The following CCDC102B variants were observed in gnomAD, a reference collection of about 807,000 sequenced individuals.
CCDC102B encodes the protein coiled-coil domain-containing protein 102B.
Under a neutral mutation model 57.4 loss-of-function variants are expected in CCDC102B, and 75 were observed. That is an observed-to-expected ratio of 1.31 (90% CI 1.08 to 1.58). The LOEUF is 1.58. CCDC102B is among the 40% of genes most tolerant of loss of function. The pLI is 0.00. For synonymous variants in CCDC102B, 206 were observed against 201.9 expected, an observed-to-expected ratio of 1.02 and a Z score of -0.17; for missense variants, 636 against 582.6, an observed-to-expected ratio of 1.09 and a Z score of -0.94.
intron 4 of CCDC102B, chr18:68,866,968 A>G (rs1444368820): frequency 9.7e-6 from 4 of 413,876 alleles, no homozygotes; most frequent in South Asian, 2.4e-5. Context: ...AGCTACATCA[A>G]TCTAGAGTGG....
chr18:69,049,642 T>TA (rs1255922863), intron 7 of CCDC102B, among the ~76,000 whole-genome samples: 6 of 152,088 alleles, frequency 3.9e-5, no homozygotes, highest in African/African-American at 1.4e-4. Context: ...CCTGGCCACT[T>TA]AGCAAATAAA....
intron 4 of CCDC102B, among the ~76,000 whole-genome samples, chr18:68,865,269 T>C (rs894150346): frequency 1.3e-5 from 2 of 152,146 alleles, no homozygotes; most frequent in Non-Finnish European, 2.9e-5. Flanking sequence ...TCTTATATTT[T>C]CGCAAATAGA....
intron 2 of CCDC102B, among the ~76,000 whole-genome samples, chr18:68,774,035 A>G (rs1166239503): frequency 6.6e-6 from 1 of 152,044 alleles, no homozygotes; most frequent in African/African-American, 2.4e-5. Context: ...AATATGCCAT[A>G]CAAGAAACAC....
At chr18:68,792,392 A>G (rs1368690576) in intron 2 of CCDC102B, among the ~76,000 whole-genome samples, 1 of 152,226 alleles carries the variant, frequency 6.6e-6, no homozygotes, top group Non-Finnish European at 1.5e-5. Flanking sequence ...TAAAGCTACC[A>G]GGTTGAGAGG....
At chr18:68,858,197 A>C (rs904432032) in intron 4 of CCDC102B, among the ~76,000 whole-genome samples, 3 of 152,176 alleles carry the variant, frequency 2.0e-5, no homozygotes, top group African/African-American at 7.2e-5. Context: ...ATTTTCTAGA[A>C]TTGTATAAAA....
intron 2 of CCDC102B, among the ~76,000 whole-genome samples, chr18:68,741,797 A>G (rs539608252): frequency 6.6e-6 from 1 of 152,058 alleles, no homozygotes; most frequent in East Asian, 1.9e-4. Context: ...GGGTTCAAAA[A>G]TGGTTTGAGA....
At chr18:68,751,540 A>G (rs1485570649) in intron 2 of CCDC102B, among the ~76,000 whole-genome samples, 1 of 152,194 alleles carries the variant, frequency 6.6e-6, no homozygotes, top group African/African-American at 2.4e-5. Flanking sequence ...ACATTTGTTT[A>G]CAGTATGAGA....
intron 2 of CCDC102B, among the ~76,000 whole-genome samples, chr18:68,790,299 C>T (rs914517509): frequency 7.5e-5 from 11 of 146,766 alleles, no homozygotes; most frequent in Admixed American, 2.7e-4. Context: ...CTGTGCCCTG[C>T]CCCCAGAGGT....
At chr18:68,893,425 C>T (rs576096814) in intron 5 of CCDC102B, among the ~76,000 whole-genome samples, 2 of 152,202 alleles carry the variant, frequency 1.3e-5, no homozygotes, top group African/African-American at 4.8e-5. Context: ...AGCCAATGTA[C>T]GGAGAAGTCC....
rs201160101 is a variant in CCDC102B at position 68,952,475 on chromosome 18, A to G, written c.1263+55047A>G. 2.6e-5 allele frequency among the ~76,000 whole-genome samples: 4 copies of G among 152,176 alleles called. No individual in the cohort carries two copies. The East Asian group carries it at 7.7e-4, about 29-fold the overall frequency. On this transcript the variant is annotated intron_variant, in intron 6 of 7. Coordinates refer to ENST00000360242, the MANE Select transcript of CCDC102B (RefSeq NM_024781.3). Reference sequence around the variant, plus strand: ...GAAGAAATAGGTTATAGAGTAGATAACAGTCTGGGATAAAGGAACCAGGAA... The same window carrying G: ...GAAGAAATAGGTTATAGAGTAGATAGCAGTCTGGGATAAAGGAACCAGGAA...
chr18:68,974,181 A>G (rs1330910813), intron 6 of CCDC102B, among the ~76,000 whole-genome samples: 2 of 152,052 alleles, frequency 1.3e-5, no homozygotes, highest in African/African-American at 4.8e-5. Flanking sequence ...GGAGCTATTC[A>G]GGTCATGAGA....
At chr18:68,847,405 T>C (rs879579699) in intron 4 of CCDC102B, among the ~76,000 whole-genome samples, 1 of 144,804 alleles carries the variant, frequency 6.9e-6, no homozygotes, top group Non-Finnish European at 1.6e-5. Flanking sequence ...AAGATGCAAT[T>C]AGTGTAAAAT....
At chr18:68,953,008 A>G (rs1168439775) in intron 6 of CCDC102B, among the ~76,000 whole-genome samples, 1 of 152,166 alleles carries the variant, frequency 6.6e-6, no homozygotes, top group African/African-American at 2.4e-5. Flanking sequence ...GAAAAAGATT[A>G]TGATATAGAC....
chr18:68,816,713 C>G (rs2144727237), intron 1 of CCDC102B, among the ~76,000 whole-genome samples: 1 of 152,226 alleles, frequency 6.6e-6, no homozygotes, highest in South Asian at 2.1e-4. Flanking sequence ...ATCCGCCCGC[C>G]TCGGCGTCTC....
chr18:68,947,678 G>A (rs531064679), intron 6 of CCDC102B, among the ~76,000 whole-genome samples: 5 of 152,134 alleles, frequency 3.3e-5, no homozygotes, highest in African/African-American at 1.2e-4. Context: ...TCTTAACCCT[G>A]AGCATATTTT....
intron 6 of CCDC102B, among the ~76,000 whole-genome samples, chr18:68,945,945 A>C (rs1252761645): frequency 6.6e-6 from 1 of 151,994 alleles, no homozygotes; most frequent in African/African-American, 2.4e-5. Flanking sequence ...TTTTTCTAAC[A>C]TACATTATGT....
chr18:68,972,796 CT>C (rs2050335752), intron 6 of CCDC102B, among the ~76,000 whole-genome samples: 1 of 151,980 alleles, frequency 6.6e-6, no homozygotes, highest in Admixed American at 6.6e-5. Context: ...GAGTTTTGCT[CT>C]TCATTTTTAA....
intron 6 of CCDC102B, among the ~76,000 whole-genome samples, chr18:68,972,242 G>A (rs952744668): frequency 6.6e-6 from 1 of 152,178 alleles, no homozygotes. Context: ...CATGAAAAAA[G>A]AGGAGAAAGT....
chr18:68,789,910 T>G (rs1483126680), intron 2 of CCDC102B, among the ~76,000 whole-genome samples: 13 of 152,106 alleles, frequency 8.5e-5, no homozygotes, highest in African/African-American at 9.7e-5. Context: ...GGTTCTCTGC[T>G]TTTTAGAGTT....
Sources: gnomAD v4.1 joint callset for allele counts (sites outside exome capture counted in the v4.1 genomes callset) on GRCh38, gnomAD v4.1.1 for gene constraint, MANE v1.5 for transcripts, NCBI Gene and HGNC (gene_info 2026-07-23, HGNC 2026-07-21) for gene names.